Variants in PDE5A observed in about 807,000 individuals in gnomAD.
The protein encoded by PDE5A is phosphodiesterase 5A.
Under a neutral mutation model 110.2 loss-of-function variants are expected in PDE5A, and 67 were observed. The observed-to-expected ratio is 0.61, with a 90% CI of 0.50 to 0.75. The LOEUF is 0.75. Among genes scored for constraint, PDE5A ranks in the 30% least tolerant of loss-of-function variants. The pLI is 0.00. For synonymous variants in PDE5A, 328 were observed against 351.2 expected, an observed-to-expected ratio of 0.93 and a Z score of 0.74; for missense variants, 862 against 1,045.1, an observed-to-expected ratio of 0.82 and a Z score of 2.42.
intron 2 of PDE5A, among the ~76,000 whole-genome samples, chr4:119,601,949 T>C (rs1323220321): frequency 6.6e-6 from 1 of 152,050 alleles, no homozygotes; most frequent in South Asian, 2.1e-4. Context: ...GATAAAGAAA[T>C]GCTGAGAAAC....
At chr4:119,520,143 C>G (rs1186482531) in intron 13 of PDE5A, among the ~76,000 whole-genome samples, 1 of 152,112 alleles carries the variant, frequency 6.6e-6, no homozygotes, top group Non-Finnish European at 1.5e-5. Flanking sequence ...TTGCACCTCA[C>G]TTCTTTAATA....
intron 10 of PDE5A, among the ~76,000 whole-genome samples, chr4:119,540,105 C>A (rs919118173): frequency 6.6e-6 from 1 of 151,994 alleles, no homozygotes; most frequent in South Asian, 2.1e-4. Context: ...AAGTATCTAT[C>A]ATGCTTTGAA....
At position 119,504,556 on chromosome 4, in the gene PDE5A, G is replaced by A. The variant is rs538880395; in HGVS notation, c.2311C>T (p.Pro771Ser). Residue 771 changes from proline to serine, a missense_variant, in exon 18 of 21, where the codon CCC (proline) becomes TCC (serine). Physicochemically the swap from Pro to Ser is moderately conservative, Grantham distance 74. Transcript: ENST00000354960. ...CATACCCGTTGTTGAATAGGCCAGG[G>A]TTTTGTAATTGCAGAAAGATCACAA... Reference protein sequence around the residue: ...TACDLSAITKPWPIQQRIAEL... With the variant: ...TACDLSAITKSWPIQQRIAEL... 4.3e-6 allele frequency: 7 copies of A among 1,612,134 alleles called. No individual in the cohort carries two copies. The highest frequency in any genetic ancestry group is 5.9e-6 in the Non-Finnish European group (7 of 1,178,828).
At chr4:119,580,135 C>T (rs535673693) in intron 3 of PDE5A, among the ~76,000 whole-genome samples, 1 of 152,186 alleles carries the variant, frequency 6.6e-6, no homozygotes, top group East Asian at 1.9e-4. Flanking sequence ...TTCTTCCCCA[C>T]GAGGGAATGC....
chr4:119,614,116 A>T (rs1199879497), intron 1 of PDE5A, among the ~76,000 whole-genome samples: 1 of 151,942 alleles, frequency 6.6e-6, no homozygotes, highest in African/African-American at 2.4e-5. Context: ...TAAGGTAAAA[A>T]CACTATTTCT....
At chr4:119,510,481 T>G (rs886915149) in intron 15 of PDE5A, among the ~76,000 whole-genome samples, 1 of 152,186 alleles carries the variant, frequency 6.6e-6, no homozygotes, top group African/African-American at 2.4e-5. Flanking sequence ...AAACAAAGAT[T>G]AACAATTTCA....
Position 119,601,347 on chromosome 4 carries a change from G to T in PDE5A, c.742-4735C>A, listed in dbSNP as rs543051332. On this transcript the variant is annotated intron_variant, in intron 2 of 20. Coordinates refer to ENST00000354960, the MANE Select transcript of PDE5A (RefSeq NM_001083.4). Reference sequence around the variant, plus strand: ...TAATAAAACCTCAATAAAAAGCTGGGAAAAATGAGGTCTAGGGAAGCTTCC... The same window carrying T: ...TAATAAAACCTCAATAAAAAGCTGGTAAAAATGAGGTCTAGGGAAGCTTCC... Among the ~76,000 whole-genome samples, 5 of 152,146 alleles carry T rather than the reference G, an allele frequency of 3.3e-5. No homozygotes were observed. In the South Asian group the frequency reaches 8.3e-4, roughly 25 times the overall value.
chr4:119,560,398 T>A (rs1185094109), intron 6 of PDE5A, 35 bp from the exon 7 acceptor site: 19 of 1,451,618 alleles, frequency 1.3e-5, no homozygotes, highest in Non-Finnish European at 1.8e-5. Flanking sequence ...GAAATAAGTT[T>A]GACAAGGTAA....
intron 7 of PDE5A, among the ~76,000 whole-genome samples, chr4:119,556,405 A>G (rs1207939870): frequency 1.3e-5 from 2 of 152,306 alleles, no homozygotes; most frequent in South Asian, 2.1e-4. Context: ...ACCCTGAAGG[A>G]AAGGGCCATA....
intron 14 of PDE5A, among the ~76,000 whole-genome samples, chr4:119,514,406 C>G (rs1013647824): frequency 6.6e-6 from 1 of 152,050 alleles, no homozygotes; most frequent in Non-Finnish European, 1.5e-5. Flanking sequence ...TCTTTGTAAC[C>G]TTCAATCCCA....
intron 9 of PDE5A, 46 bp downstream of exon 9, chr4:119,552,503 CA>C: frequency 1.4e-6 from 1 of 694,648 alleles, no homozygotes; most frequent in Non-Finnish European, 2.2e-6. Flanking sequence ...GCTGGGAATA[CA>C]TTTTTAAAAA....
intron 11 of PDE5A, among the ~76,000 whole-genome samples, chr4:119,533,787 T>C (rs936633710): frequency 2.0e-5 from 3 of 152,194 alleles, no homozygotes; most frequent in Non-Finnish European, 4.4e-5. Flanking sequence ...AAGATTCTGA[T>C]ATAATATGCA....
intron 11 of PDE5A, among the ~76,000 whole-genome samples, chr4:119,537,981 C>A (rs1201976438): frequency 6.6e-5 from 10 of 151,904 alleles, no homozygotes; most frequent in Admixed American, 2.6e-4. Context: ...ATTAATGTCA[C>A]CATCATTCTT....
At chr4:119,524,053 A>G (rs1726221326) in intron 12 of PDE5A, among the ~76,000 whole-genome samples, 1 of 152,100 alleles carries the variant, frequency 6.6e-6, no homozygotes, top group Admixed American at 6.6e-5. Context: ...GAATGGGATA[A>G]CTGACATGGA....
At chr4:119,553,796 T>C (rs746343856) in intron 7 of PDE5A, 50 bp from the exon 8 acceptor site, 6 of 897,084 alleles carry the variant, frequency 6.7e-6, no homozygotes, top group South Asian at 5.5e-5. Context: ...AAAAAAAGCA[T>C]GGGCAAACAG....
chr4:119,580,074 T>C (rs1486277502), intron 3 of PDE5A, among the ~76,000 whole-genome samples: 2 of 152,140 alleles, frequency 1.3e-5, no homozygotes, highest in African/African-American at 4.8e-5. Flanking sequence ...GGTCAGTAGC[T>C]GTCCTGCCCC....
intron 10 of PDE5A, among the ~76,000 whole-genome samples, chr4:119,540,019 T>A (rs985865908): frequency 6.6e-6 from 1 of 152,168 alleles, no homozygotes; most frequent in South Asian, 2.1e-4. Context: ...TCTCAAGCAT[T>A]TCATGTAAGG....
intron 11 of PDE5A, among the ~76,000 whole-genome samples, chr4:119,530,789 G>T (rs939563698): frequency 6.6e-6 from 1 of 151,842 alleles, no homozygotes; most frequent in Non-Finnish European, 1.5e-5. Flanking sequence ...AATTTAATTT[G>T]GCATAGAGCT....
intron 11 of PDE5A, among the ~76,000 whole-genome samples, chr4:119,528,208 A>G (rs192507482): frequency 1.3e-5 from 2 of 152,164 alleles, no homozygotes; most frequent in Admixed American, 6.6e-5. Context: ...GAATTATATC[A>G]TAAGTCTTTT....
Sources: allele counts gnomAD v4.1 joint callset (sites outside exome capture counted in the v4.1 genomes callset), GRCh38; gene constraint gnomAD v4.1.1; transcripts MANE v1.5; gene names NCBI Gene and HGNC (gene_info 2026-07-23, HGNC 2026-07-21).